TBCD: variants seen among roughly 807,000 people sequenced by gnomAD.
TBCD encodes tubulin-specific chaperone D.
In TBCD, 105 loss-of-function variants were observed where a neutral mutation model predicts 169.3. The observed-to-expected ratio is 0.62, with a 90% CI of 0.53 to 0.73. The LOEUF (loss-of-function observed/expected upper bound fraction) is 0.73, where lower values mean the gene tolerates loss of function less well. TBCD is among the 30% of genes least tolerant of loss of function. The pLI is 0.00. For missense variants in TBCD, 1,444 were observed against 1,600.1 expected (o/e 0.90, Z 1.66); for synonymous variants, 700 against 643.9 (o/e 1.09, Z -1.32).
At chr17:82,774,882 G>T (rs1164600019) in intron 6 of TBCD, among the ~76,000 whole-genome samples, 1 of 152,242 alleles carries the variant, frequency 6.6e-6, no homozygotes, top group Non-Finnish European at 1.5e-5. Context: ...GAACAAGTTG[G>T]AAGTTCTTTC....
At chr17:82,761,792 C>T (rs1331633229) in intron 2 of TBCD, among the ~76,000 whole-genome samples, 1 of 151,132 alleles carries the variant, frequency 6.6e-6, no homozygotes, top group East Asian at 2.0e-4. Context: ...GTGGTGCGAT[C>T]TCGGCTCACT....
chr17:82,920,849 C>T lies in TBCD; in HGVS notation c.2101+231C>T, dbSNP rs1293401451. On this transcript the variant is annotated intron_variant, in intron 24 of 38. Coordinates refer to ENST00000355528, the MANE Select transcript of TBCD (RefSeq NM_005993.5). This position sits in a 1 kb window ranked among gnomAD's most constrained non-coding sequence, Gnocchi z 4.1. ...CCTTCCCCGCCGTCACCTCAGTACCCCCACCTCCTCGCTTCCATGCCCAGG... is the reference window on the plus strand; with the variant it reads ...CCTTCCCCGCCGTCACCTCAGTACCTCCACCTCCTCGCTTCCATGCCCAGG... Among the ~76,000 whole-genome samples, 8 of 152,210 alleles carry T rather than the reference C, an allele frequency of 5.3e-5. No individual in the cohort carries two copies. Among genetic ancestry groups the T allele is most frequent in the Non-Finnish European group, 1.0e-4 (7 of 68,038 alleles).
intron 13 of TBCD, among the ~76,000 whole-genome samples, chr17:82,844,696 C>T (rs1009260886): frequency 7.2e-5 from 11 of 152,118 alleles, no homozygotes; most frequent in Admixed American, 5.9e-4. Flanking sequence ...GAAAATGGTC[C>T]GTTTCTGCTG....
At chr17:82,892,342 G>A (rs576122753) in intron 16 of TBCD, among the ~76,000 whole-genome samples, 11 of 152,230 alleles carry the variant, frequency 7.2e-5, no homozygotes, top group African/African-American at 2.2e-4. Context: ...AGAGTGAGCC[G>A]CAACAGCTCC....
At chr17:82,794,162 G>A (rs1185334914) in intron 7 of TBCD, among the ~76,000 whole-genome samples, 1 of 152,228 alleles carries the variant, frequency 6.6e-6, no homozygotes, top group African/African-American at 2.4e-5. Flanking sequence ...CCTGAAGGGA[G>A]CCTCAAACCA....
At chr17:82,938,432 A>G (rs1487892656) in intron 36 of TBCD, among the ~76,000 whole-genome samples, 7 of 152,222 alleles carry the variant, frequency 4.6e-5, no homozygotes, top group Non-Finnish European at 8.8e-5. Context: ...GAAGTGGTTC[A>G]GCCACACCTA....
intron 13 of TBCD, chr17:82,865,581 C>T: frequency 1.0e-6 from 1 of 981,280 alleles, no homozygotes. Flanking sequence ...CCGCCCAGTG[C>T]CGAAATGGGA....
At chr17:82,865,057 T>C (rs763053462) in intron 13 of TBCD, among the ~76,000 whole-genome samples, 1 of 152,184 alleles carries the variant, frequency 6.6e-6, no homozygotes, top group Admixed American at 6.5e-5. Context: ...TGAGGGCCTC[T>C]GGGAAGGCTT....
At chr17:82,848,500 G>A (rs2055347330) in intron 13 of TBCD, among the ~76,000 whole-genome samples, 1 of 152,106 alleles carries the variant, frequency 6.6e-6, no homozygotes, top group African/African-American at 2.4e-5. Context: ...CTTACGCTTC[G>A]GCATTCTCAC....
At chr17:82,793,463 C>T (rs546718642) in intron 7 of TBCD, among the ~76,000 whole-genome samples, 110 of 152,258 alleles carry the variant, frequency 7.2e-4, no homozygotes, top group South Asian at 3.7e-3. Context: ...ATGCACTGGA[C>T]GTTGTGGTTT....
At chr17:82,899,899 C>T (rs2059772306) in intron 17 of TBCD, among the ~76,000 whole-genome samples, 1 of 152,150 alleles carries the variant, frequency 6.6e-6, no homozygotes, top group South Asian at 2.1e-4. Flanking sequence ...GTTTATTGGC[C>T]TTTTATTTAT....
rs547353885 is a variant in TBCD, at chr17:82,807,834, G to A, written c.1148+166G>A. 3.4e-4 allele frequency among the ~76,000 whole-genome samples: 52 copies of A among 152,332 alleles called. No individual in the cohort carries two copies. The East Asian group carries it at 9.8e-3, about 29-fold the overall frequency. On this transcript the variant is annotated intron_variant, in intron 11 of 38. Coordinates refer to ENST00000355528, the MANE Select transcript of TBCD (RefSeq NM_005993.5). ...ACGTGTTGGCGTGAAGATGGTTCCCGAGGCGGAGCTTCGGTCTCCTCCGTC... is the reference window on the plus strand; with the variant it reads ...ACGTGTTGGCGTGAAGATGGTTCCCAAGGCGGAGCTTCGGTCTCCTCCGTC...
intron 14 of TBCD, among the ~76,000 whole-genome samples, chr17:82,879,529 G>A (rs1954997173): frequency 6.7e-6 from 1 of 149,552 alleles, no homozygotes; most frequent in African/African-American, 2.4e-5. Flanking sequence ...TCGCTCGGGT[G>A]AGCCCTTCTG....
Position 82,800,871 on chromosome 17 carries a change from T to C in TBCD, c.825T>C (p.Thr275=). The C allele has an allele frequency of 6.2e-7, 1 of 1,612,340 alleles. No individual in the cohort carries two copies. The highest frequency in any genetic ancestry group is 1.7e-4 in the Middle Eastern group (1 of 5,964). The part of the protein sequence containing the change: ...KREDCLPYAA[T]VLRCLDGCRL... Reference sequence around the variant, plus strand: ...TCCAGTTCTTGTTTGCAGCTGCCACTGTCCTCAGGTGCCTCGATGGCTGCA... The same window carrying C: ...TCCAGTTCTTGTTTGCAGCTGCCACCGTCCTCAGGTGCCTCGATGGCTGCA... The change falls in exon 9 of 39, where the codon ACT becomes ACC. Residue 275 remains threonine, a synonymous_variant. Transcript: ENST00000355528.
At chr17:82,781,205 G>C (rs959323459) in intron 6 of TBCD, among the ~76,000 whole-genome samples, 1 of 151,662 alleles carries the variant, frequency 6.6e-6, no homozygotes, top group African/African-American at 2.4e-5. Context: ...ACGGTGTCCT[G>C]AGGTCAAGGG....
intron 6 of TBCD, among the ~76,000 whole-genome samples, chr17:82,779,126 C>T (rs1200340674): frequency 2.0e-5 from 3 of 151,870 alleles, no homozygotes; most frequent in Non-Finnish European, 4.4e-5. Context: ...ATTCTCATGC[C>T]TCAGCCTCCC....
rs2050941219 is a variant in TBCD, at chr17:82,806,114, G to C, written c.1087+103G>C. On this transcript the variant is annotated intron_variant, in intron 10 of 38. Coordinates refer to ENST00000355528, the MANE Select transcript of TBCD (RefSeq NM_005993.5). This position sits in a 1 kb window ranked among gnomAD's most constrained non-coding sequence, Gnocchi z 5.1. ...CTTCTTCCTTGCTGGTGCCGGCACT[G>C]TCTGGCCACCCGTCCCCTTCGCTGA... is the stretch of plus-strand genomic sequence containing the variant. The C allele has an allele frequency of 6.8e-7, 1 of 1,479,384 alleles. No individual in the cohort carries two copies. The highest frequency in any genetic ancestry group is 9.1e-7 in the Non-Finnish European group (1 of 1,097,368). 91.6% of individuals were successfully genotyped at this position (1,479,384 alleles called of 1,614,324 possible).
intron 8 of TBCD, among the ~76,000 whole-genome samples, chr17:82,799,462 A>AAT (rs1342432097): frequency 6.6e-6 from 1 of 151,144 alleles, no homozygotes; most frequent in South Asian, 2.1e-4. Context: ...AAAAAAAAAA[A>AAT]AGAAACTATC....
intron 22 of TBCD, among the ~76,000 whole-genome samples, chr17:82,911,066 C>G (rs1194749477): frequency 6.6e-6 from 1 of 152,214 alleles, no homozygotes; most frequent in Non-Finnish European, 1.5e-5. Flanking sequence ...ACCCCACACA[C>G]TGGGCCTGGA....
Sources: allele counts gnomAD v4.1 joint callset (sites outside exome capture counted in the v4.1 genomes callset), GRCh38; gene constraint gnomAD v4.1.1; non-coding constraint Gnocchi (gnomAD v3.1); transcripts MANE v1.5; gene names NCBI Gene and HGNC (gene_info 2026-07-23, HGNC 2026-07-21).